Variants in STARD9 observed in about 807,000 individuals in gnomAD.
The protein encoded by STARD9 is StAR related lipid transfer domain containing 9.
In STARD9, 346 loss-of-function variants were observed where a neutral mutation model predicts 399.8. The observed-to-expected ratio is 0.87, with a 90% CI of 0.79 to 0.95. STARD9 has a LOEUF of 0.95. STARD9 is among the 40% of genes least tolerant of loss of function. STARD9 has a pLI of 0.00. For synonymous variants in STARD9, 2,203 were observed against 2,143.5 expected (o/e 1.03, Z -0.77); for missense variants, 5,832 against 5,667.5 (o/e 1.03, Z -0.93).
intron 26 of STARD9, among the ~76,000 whole-genome samples, chr15:42,711,634 T>C (rs2061226142): frequency 6.6e-6 from 1 of 152,182 alleles, no homozygotes; most frequent in Non-Finnish European, 1.5e-5. Context: ...GGGTCCTTCA[T>C]GTTGTAAAAT....
intron 3 of STARD9, among the ~76,000 whole-genome samples, chr15:42,627,825 C>T (rs1274187149): frequency 6.6e-6 from 1 of 152,164 alleles, no homozygotes; most frequent in African/African-American, 2.4e-5. Flanking sequence ...TTATGTTTGT[C>T]TCTTGATGGA....
rs1357959758 is a variant in STARD9 at position 42,673,272 on chromosome 15, G to A, written c.1498-1168G>A. ...TAAAAATTAGCTGGGCGTGGTGGCAGGCACCTGTAGTCCCAGCTAGTTGGG... is the reference window on the plus strand; with the variant it reads ...TAAAAATTAGCTGGGCGTGGTGGCAAGCACCTGTAGTCCCAGCTAGTTGGG... On this transcript the variant is annotated intron_variant, in intron 16 of 32. Transcript: ENST00000290607. Among the ~76,000 whole-genome samples, 156 of 151,652 alleles carry A rather than the reference G, an allele frequency of 1.0e-3. 1 individual carries two copies. Among genetic ancestry groups the A allele is most frequent in the Non-Finnish European group, 2.8e-4 (19 of 67,938 alleles).
At chr15:42,620,522 C>G (rs959697070) in intron 3 of STARD9, among the ~76,000 whole-genome samples, 6 of 151,966 alleles carry the variant, frequency 3.9e-5, no homozygotes, top group Non-Finnish European at 8.8e-5. Context: ...TAATTGCTGC[C>G]ATCTAATCCT....
intron 3 of STARD9, among the ~76,000 whole-genome samples, chr15:42,631,454 C>T (rs2059330247): frequency 6.6e-6 from 1 of 151,922 alleles, no homozygotes; most frequent in South Asian, 2.1e-4. Flanking sequence ...GTGGTGTGCG[C>T]CGGTAGTCTC....
intron 26 of STARD9, among the ~76,000 whole-genome samples, chr15:42,715,163 C>T (rs569901546): frequency 6.6e-6 from 1 of 151,720 alleles, no homozygotes; most frequent in Non-Finnish European, 1.5e-5. Context: ...CTGGCTAAGT[C>T]AAAGCTTGCT....
At chr15:42,639,328 G>C (rs1488957401) in intron 7 of STARD9, among the ~76,000 whole-genome samples, 1 of 152,186 alleles carries the variant, frequency 6.6e-6, no homozygotes, top group Non-Finnish European at 1.5e-5. Context: ...GGGGTCTGCA[G>C]GCGCCCAATA....
intron 29 of STARD9, 66 bp from the exon 30 acceptor site, chr15:42,717,911 C>G: frequency 1.3e-6 from 2 of 1,510,108 alleles, no homozygotes; most frequent in Non-Finnish European, 1.8e-6. Context: ...CTGAGCCCCT[C>G]CTTTGTGACC....
intron 7 of STARD9, among the ~76,000 whole-genome samples, chr15:42,646,944 C>A (rs2059658195): frequency 6.6e-6 from 1 of 152,116 alleles, no homozygotes; most frequent in South Asian, 2.1e-4. Context: ...ATAGGGAGGC[C>A]TGAGTAGAGG....
intron 25 of STARD9, among the ~76,000 whole-genome samples, 195 bp from the exon 26 acceptor site, chr15:42,695,548 G>T (rs1004904939): frequency 6.6e-6 from 1 of 152,242 alleles, no homozygotes; most frequent in South Asian, 2.1e-4. Context: ...GTGAGGTGCA[G>T]GGTGTGGGGA....
In STARD9 at chr15:42,719,550, A is replaced by T; in HGVS notation, c.14079A>T (p.Arg4693Ser). ...AACGGCAGCCACTGGTTATAGCCAG[A>T]CTGGCTTCCTTCCTTGGTAGGTAGC... The part of the protein sequence containing the change: ...FIKRQPLVIA[R>S]LASFLGR Residue 4693 changes from arginine to serine, a missense_variant, in exon 33 of 33, where the codon AGA (arginine) becomes AGT (serine). Coordinates refer to ENST00000290607, the MANE Select transcript of STARD9 (RefSeq NM_020759.3). 6.5e-7 allele frequency: 1 copy of T among 1,536,778 alleles called. No individual in the cohort carries two copies. Among genetic ancestry groups the T allele is most frequent in the Non-Finnish European group, 8.7e-7 (1 of 1,146,564 alleles).
At chr15:42,709,908 T>C (rs2061173706) in intron 26 of STARD9, among the ~76,000 whole-genome samples, 1 of 152,310 alleles carries the variant, frequency 6.6e-6, no homozygotes, top group Non-Finnish European at 1.5e-5. Context: ...TTTATTCAAC[T>C]ATTTAATTTT....
At chr15:42,649,943 C>A (rs1302435216) in intron 7 of STARD9, among the ~76,000 whole-genome samples, 1 of 150,016 alleles carries the variant, frequency 6.7e-6, no homozygotes, top group East Asian at 2.0e-4. Flanking sequence ...CTCGACTCTC[C>A]ACAACCTCCG....
In STARD9 at chr15:42,616,913, A is replaced by G. The variant is rs545903975; in HGVS notation, c.235-17943A>G. On this transcript the variant is annotated intron_variant, in intron 3 of 32. Coordinates refer to ENST00000290607, the MANE Select transcript of STARD9 (RefSeq NM_020759.3). ...CTCAAAAAAAAAAAAAAAAAAATAC[A>G]AAAAGAAAGTTAGAGAATAACAGTA... Among the ~76,000 whole-genome samples, 4 of 151,812 alleles carry G rather than the reference A, an allele frequency of 2.6e-5. No homozygotes were observed. In the East Asian group the frequency reaches 7.7e-4, roughly 29 times the overall value.
chr15:42,619,835 T>C (rs561013027), intron 3 of STARD9, among the ~76,000 whole-genome samples: 1 of 152,310 alleles, frequency 6.6e-6, no homozygotes, highest in South Asian at 2.1e-4. Context: ...TTTGGTTTAT[T>C]TTGCTTTTGT....
At chr15:42,614,896 C>T (rs1460364880) in intron 3 of STARD9, among the ~76,000 whole-genome samples, 3 of 151,712 alleles carry the variant, frequency 2.0e-5, no homozygotes, top group African/African-American at 4.8e-5. Flanking sequence ...ACCCGGGAGG[C>T]GGAGGTTGCA....
chr15:42,689,980 T>C lies in STARD9; in HGVS notation c.8402T>C (p.Leu2801Ser). The C allele has an allele frequency of 6.5e-7, 1 of 1,537,644 alleles. No individual in the cohort carries two copies. Residue 2801 changes from leucine (L) to serine (S), a missense_variant, in exon 23 of 33, where the codon TTA becomes TCA. Physicochemically the swap from Leu to Ser is moderately radical, Grantham distance 145. Around this residue, in one of 2 missense-constraint regions of STARD9, gnomAD observed 5,828 missense variants for 5,651.1 expected, o/e 1.03. Transcript: ENST00000290607. The stretch of plus-strand genomic sequence containing the variant: ...TATGGAGAAGTTTCAGATAATTTGT[T>C]AGTGACTGCACAGGGAGAAAAAACA... ...TTYGEVSDNLLVTAQGEKTAH... is the reference protein window; with the variant it reads ...TTYGEVSDNLSVTAQGEKTAH...
At chr15:42,619,860 T>G (rs1036798023) in intron 3 of STARD9, among the ~76,000 whole-genome samples, 3 of 152,234 alleles carry the variant, frequency 2.0e-5, no homozygotes, top group Non-Finnish European at 4.4e-5. Flanking sequence ...ACTCATTCCT[T>G]AAGATGAATA....
chr15:42,684,348 A>G lies in STARD9; in HGVS notation c.2770A>G (p.Met924Val). The change falls in exon 23 of 33, where the codon ATG becomes GTG. Residue 924 changes from methionine (M) to valine (V), a missense_variant. Met to Val is a conservative substitution (Grantham distance 21). Coordinates refer to ENST00000290607, the MANE Select transcript of STARD9 (RefSeq NM_020759.3). The part of the protein sequence containing the change: ...GASAPDACLT[M>V]SPNSVGIQEM... ...CTCAGCTCCAGACGCTTGCCTCACCATGAGTCCCAACTCTGTTGGCATCCA... is the reference window on the plus strand; with the variant it reads ...CTCAGCTCCAGACGCTTGCCTCACCGTGAGTCCCAACTCTGTTGGCATCCA... 1.3e-6 allele frequency: 2 copies of G among 1,536,434 alleles called. No homozygotes were observed. The highest frequency in any genetic ancestry group is 1.7e-6 in the Non-Finnish European group (2 of 1,146,408).
chr15:42,586,873 C>T (rs1022334447), intron 3 of STARD9, among the ~76,000 whole-genome samples: 12 of 146,880 alleles, frequency 8.2e-5, no homozygotes, highest in African/African-American at 1.3e-4. Context: ...GGCCGGGGGG[C>T]GGAGATGATC....
Sources: gnomAD v4.1 joint callset for allele counts (sites outside exome capture counted in the v4.1 genomes callset) on GRCh38, gnomAD v4.1.1 for gene constraint, gnomAD v4.1.1 regional missense constraint, MANE v1.5 for transcripts, NCBI Gene and HGNC (gene_info 2026-07-23, HGNC 2026-07-21) for gene names.